FBXW4: variants seen among roughly 807,000 people sequenced by gnomAD.
FBXW4 encodes F-box/WD repeat-containing protein 4.
Under a neutral mutation model 61.8 loss-of-function variants are expected in FBXW4, and 40 were observed. That is an observed-to-expected ratio of 0.65 (90% confidence interval 0.50 to 0.84). The LOEUF is 0.84. Among genes scored for constraint, FBXW4 ranks in the 40% least tolerant of loss-of-function variants. FBXW4 has a pLI of 0.00. For missense variants in FBXW4, 672 were observed against 753.8 expected, an observed-to-expected ratio of 0.89 and a Z score of 1.27; for synonymous variants, 311 against 313.8, an observed-to-expected ratio of 0.99 and a Z score of 0.10.
At chr10:101,672,400 T>G (rs2064366111) in intron 4 of FBXW4, among the ~76,000 whole-genome samples, 1 of 152,178 alleles carries the variant, frequency 6.6e-6, no homozygotes. Context: ...GACCGGGCAA[T>G]TTGGCAAAGA....
At chr10:101,630,171 T>G (rs1163972983) in intron 5 of FBXW4, among the ~76,000 whole-genome samples, 1 of 152,246 alleles carries the variant, frequency 6.6e-6, no homozygotes, top group East Asian at 1.9e-4. Context: ...GCAAGCTCTC[T>G]GACCTCTGAC....
At chr10:101,630,955 C>CA (rs2063950237) in intron 5 of FBXW4, among the ~76,000 whole-genome samples, 1 of 152,134 alleles carries the variant, frequency 6.6e-6, no homozygotes, top group South Asian at 2.1e-4. Flanking sequence ...TGGACAGGGC[C>CA]ATGCTTGTGG....
chr10:101,667,796 A>G, intron 5 of FBXW4, 90 bp downstream of exon 5: 1 of 1,185,568 alleles, frequency 8.4e-7, no homozygotes, highest in South Asian at 1.3e-5. Flanking sequence ...CCTAGAATAC[A>G]CAACAGGAAG....
chr10:101,645,836 C>T (rs1457904972), intron 5 of FBXW4, among the ~76,000 whole-genome samples: 4 of 152,154 alleles, frequency 2.6e-5, no homozygotes, highest in Middle Eastern at 3.4e-3. Flanking sequence ...CAGAGTAGCA[C>T]GGAAGTGAAA....
rs146307220 is a variant in FBXW4, at chr10:101,633,561, C to T, written c.1236-8751G>A. ...TGTACACCTATGTAACAAACCCGCA[C>T]GTTCTGTACATGTACCCCAGAACTT... On this transcript the variant is annotated intron_variant, in intron 5 of 8. Coordinates refer to ENST00000331272, the MANE Select transcript of FBXW4 (RefSeq NM_022039.4). 2.8e-4 allele frequency among the ~76,000 whole-genome samples: 43 copies of T among 152,084 alleles called. No homozygotes were observed. The East Asian group carries it at 7.7e-3, about 27-fold the overall frequency.
At chr10:101,668,259 T>C (rs1311939249) in intron 4 of FBXW4, among the ~76,000 whole-genome samples, 1 of 152,190 alleles carries the variant, frequency 6.6e-6, no homozygotes, top group Admixed American at 6.5e-5. Context: ...AGTTCCACAT[T>C]CCTCAGCGGA....
At chr10:101,652,754 T>A (rs1464414782) in intron 5 of FBXW4, among the ~76,000 whole-genome samples, 1 of 152,188 alleles carries the variant, frequency 6.6e-6, no homozygotes, top group Non-Finnish European at 1.5e-5. Context: ...GGAAAAGGCA[T>A]AATAAGCAAG....
chr10:101,653,228 A>T (rs768317235), intron 5 of FBXW4, among the ~76,000 whole-genome samples: 19 of 152,160 alleles, frequency 1.2e-4, no homozygotes, highest in Non-Finnish European at 2.4e-4. Flanking sequence ...TGTCCCTACG[A>T]GTCTGGTCCC....
chr10:101,659,561 T>C (rs1331785483), intron 5 of FBXW4: 11 of 328,082 alleles, frequency 3.4e-5, no homozygotes, highest in Non-Finnish European at 4.4e-5. Context: ...CTAGTACACA[T>C]TCTTGTCATC....
chr10:101,672,613 C>T (rs2064368078), intron 4 of FBXW4, among the ~76,000 whole-genome samples: 1 of 152,162 alleles, frequency 6.6e-6, no homozygotes. Flanking sequence ...AACCCACAAA[C>T]TTGAGGAAAC....
At chr10:101,685,765 T>C (rs2064527557) in intron 1 of FBXW4, among the ~76,000 whole-genome samples, 1 of 152,234 alleles carries the variant, frequency 6.6e-6, no homozygotes, top group Non-Finnish European at 1.5e-5. Context: ...TACAAAACTA[T>C]GTCTTTAACA....
At chr10:101,673,707 C>G (rs1589774738) in intron 2 of FBXW4, 34 bp from the exon 3 acceptor site, 1 of 1,600,176 alleles carries the variant, frequency 6.2e-7, no homozygotes, top group East Asian at 2.2e-5. Context: ...TAAAAGTCAT[C>G]AAGATACAGT....
intron 5 of FBXW4, among the ~76,000 whole-genome samples, chr10:101,654,081 A>C (rs1241484902): frequency 7.1e-6 from 1 of 141,834 alleles, no homozygotes; most frequent in Non-Finnish European, 1.5e-5. Context: ...AGATTGCACC[A>C]CTGCACTCCA....
chr10:101,691,760 A>T (rs1437439241), intron 1 of FBXW4, among the ~76,000 whole-genome samples: 1 of 152,206 alleles, frequency 6.6e-6, no homozygotes, highest in Non-Finnish European at 1.5e-5. Flanking sequence ...AACTGATAAT[A>T]TTCTTTGAAA....
At chr10:101,641,544 A>T (rs1421867475) in intron 5 of FBXW4, among the ~76,000 whole-genome samples, 1 of 152,156 alleles carries the variant, frequency 6.6e-6, no homozygotes, top group African/African-American at 2.4e-5. Flanking sequence ...TCTACTTCTG[A>T]ATCCCTCTGA....
intron 5 of FBXW4, chr10:101,660,326 T>A (rs1589765775): frequency 8.7e-6 from 1 of 114,830 alleles, no homozygotes; most frequent in African/African-American, 3.8e-5. Context: ...GGAAGTTGGG[T>A]TGGGAGGGGG....
chr10:101,691,767 G>T (rs1342968147), intron 1 of FBXW4, among the ~76,000 whole-genome samples: 3 of 152,084 alleles, frequency 2.0e-5, no homozygotes, highest in Admixed American at 6.5e-5. Flanking sequence ...AATATTCTTT[G>T]AAAGAGTTAT....
chr10:101,649,333 G>A (rs549111844), intron 5 of FBXW4, among the ~76,000 whole-genome samples: 6 of 152,118 alleles, frequency 3.9e-5, no homozygotes, highest in Admixed American at 1.3e-4. Context: ...TCTACAATCC[G>A]GGAGCCCCAG....
intron 5 of FBXW4, among the ~76,000 whole-genome samples, chr10:101,634,801 T>C (rs1421057839): frequency 6.7e-6 from 1 of 149,186 alleles, no homozygotes; most frequent in Non-Finnish European, 1.5e-5. Flanking sequence ...GAAAAAAATA[T>C]AGGAAAATAG....
Sources: allele counts gnomAD v4.1 joint callset (sites outside exome capture counted in the v4.1 genomes callset), GRCh38; gene constraint gnomAD v4.1.1; transcripts MANE v1.5; gene names NCBI Gene and HGNC (gene_info 2026-07-23, HGNC 2026-07-21).